Variants in SCN3A observed in about 807,000 individuals in gnomAD.
SCN3A encodes the protein sodium voltage-gated channel alpha subunit 3.
Under a neutral mutation model 187.6 loss-of-function variants are expected in SCN3A, and 60 were observed. The observed-to-expected ratio is 0.32, with a 90% CI of 0.26 to 0.40. SCN3A has a LOEUF of 0.40. Among genes scored for constraint, SCN3A ranks in the 10% least tolerant of loss-of-function variants. The pLI is 1.00. For missense variants in SCN3A, 1,601 were observed against 2,428.2 expected (o/e 0.66, Z 7.16); for synonymous variants, 788 against 829.2 (o/e 0.95, Z 0.85).
chr2:165,096,242 A>G (rs569688120), intron 24 of SCN3A, among the ~76,000 whole-genome samples: 1 of 152,224 alleles, frequency 6.6e-6, no homozygotes, highest in South Asian at 2.1e-4. Context: ...GGACCAATCT[A>G]ATGTCTTAGG....
chr2:165,162,559 C>T lies in SCN3A; in HGVS notation c.964G>A (p.Asp322Asn). ...AACATAATGTAATACTTCTTACTGT[C>T]ATCTCCAATGTAATCCTTCCAGTTA... Reference protein sequence around the residue: ...TFNWKDYIGDDSHFYVLDGQK... With the variant: ...TFNWKDYIGDNSHFYVLDGQK... The change falls in exon 8 of 28, where the codon GAC (aspartate) becomes AAC (asparagine). Residue 322 changes from aspartate (D) to asparagine (N), a missense_variant. Asp to Asn is a conservative substitution (Grantham distance 23). Coordinates refer to ENST00000283254, the MANE Select transcript of SCN3A (RefSeq NM_006922.4). The T allele has an allele frequency of 1.2e-6, 2 of 1,614,034 alleles. No individual in the cohort carries two copies. Among genetic ancestry groups the T allele is most frequent in the Non-Finnish European group, 1.7e-6 (2 of 1,179,960 alleles).
intron 1 of SCN3A, among the ~76,000 whole-genome samples, chr2:165,203,543 A>G (rs1027284374): frequency 2.6e-5 from 4 of 152,006 alleles, no homozygotes; most frequent in African/African-American, 4.8e-5. Context: ...AATAAAAAAT[A>G]TTTTTTCTGA....
At chr2:165,106,230 A>G (rs910739957) in intron 21 of SCN3A, among the ~76,000 whole-genome samples, 12 of 152,212 alleles carry the variant, frequency 7.9e-5, no homozygotes, top group Non-Finnish European at 1.5e-4. Context: ...AGGGGTCTTT[A>G]AAATGAAGAC....
intron 1 of SCN3A, among the ~76,000 whole-genome samples, chr2:165,193,952 C>A (rs919811223): frequency 6.6e-6 from 1 of 152,050 alleles, no homozygotes; most frequent in South Asian, 2.1e-4. Flanking sequence ...CAGCAAAAAA[C>A]CAATCACATA....
chr2:165,200,665 T>C (rs1329396042), intron 1 of SCN3A, among the ~76,000 whole-genome samples: 1 of 152,038 alleles, frequency 6.6e-6, no homozygotes, highest in African/African-American at 2.4e-5. Flanking sequence ...TTAAGTCATC[T>C]TGGCTGCCAT....
At chr2:165,150,927 A>G (rs1274745032) in intron 11 of SCN3A, among the ~76,000 whole-genome samples, 6 of 152,180 alleles carry the variant, frequency 3.9e-5, no homozygotes, top group African/African-American at 1.4e-4. Context: ...GTAAATAGCT[A>G]TTTTTATTTT....
intron 15 of SCN3A, among the ~76,000 whole-genome samples, chr2:165,137,221 C>T (rs1687718918): frequency 6.6e-6 from 1 of 152,104 alleles, no homozygotes; most frequent in South Asian, 2.1e-4. Flanking sequence ...TACCTTTTCC[C>T]TCCATTCCAG....
At position 165,186,608 on chromosome 2, in the gene SCN3A, C is replaced by T. The variant is rs1691258700; in HGVS notation, c.-108G>A. 6.6e-6 allele frequency: 1 copy of T among 152,106 alleles called. No homozygotes were observed. Among genetic ancestry groups the T allele is most frequent in the Non-Finnish European group, 1.5e-5 (1 of 68,018 alleles). The allele number at this position is 152,106 out of a possible 1,614,324, so 9.4% of individuals were successfully genotyped here. A position where few individuals can be genotyped will look rare whatever the true frequency, so the allele number is the denominator to read the frequency against. ...GCTCCAGGTCCCTTCTGTGAATTATCTCATTTATTCTTACAATATCCCTAG... is the reference window on the plus strand; with the variant it reads ...GCTCCAGGTCCCTTCTGTGAATTATTTCATTTATTCTTACAATATCCCTAG... On this transcript the variant is annotated 5_prime_UTR_variant, in exon 2 of 28. Transcript: ENST00000283254.
At chr2:165,122,375 G>GA (rs1279513844) in intron 18 of SCN3A, among the ~76,000 whole-genome samples, 2 of 150,512 alleles carry the variant, frequency 1.3e-5, no homozygotes, top group South Asian at 2.1e-4. Flanking sequence ...AGTACTATCA[G>GA]AAAAAAACCC....
chr2:165,135,273 C>T (rs1687597103), intron 15 of SCN3A, among the ~76,000 whole-genome samples: 1 of 152,008 alleles, frequency 6.6e-6, no homozygotes, highest in Admixed American at 6.6e-5. Context: ...CTTAGCAAAA[C>T]TTAATTGAGA....
At chr2:165,130,406 A>G in intron 16 of SCN3A, 110 bp from the exon 17 acceptor site, 1 of 1,099,784 alleles carries the variant, frequency 9.1e-7, no homozygotes, top group East Asian at 2.6e-5. Context: ...TAAAAACTCA[A>G]AATATACTGA....
intron 18 of SCN3A, 43 bp from the exon 19 acceptor site, chr2:165,115,618 T>C: frequency 1.3e-6 from 2 of 1,598,706 alleles, no homozygotes; most frequent in Non-Finnish European, 1.7e-6. Flanking sequence ...TTTCCCCCTT[T>C]TATTTAACTA....
rs760621325 is a variant in SCN3A, at chr2:165,155,883, A to T, written c.1052T>A (p.Ile351Asn). 1 of 1,614,050 alleles carries T rather than the reference A, an allele frequency of 6.2e-7. No homozygotes were observed. ...SDAGQCPEGY[I>N]CVKAGRNPNY... ...GGGGTTTCGACCAGCCTTCACACAG[A>T]TGTATCCTTCTGGACACTGGCTATA... The change falls in exon 10 of 28, where the codon ATC (isoleucine) becomes AAC (asparagine). Residue 351 changes from isoleucine (I) to asparagine (N), a missense_variant. This residue lies in a region of SCN3A where 47 missense variants were observed against 105.8 expected (regional missense o/e 0.44). Transcript: ENST00000283254.
In SCN3A at chr2:165,140,627, A is replaced by G; in HGVS notation, c.2019+24T>C. 6.3e-7 allele frequency: 1 copy of G among 1,588,906 alleles called. No homozygotes were observed. The highest frequency in any genetic ancestry group is 1.3e-5 in the African/African-American group (1 of 74,520). On this transcript the variant is annotated intron_variant, in intron 13 of 27. Transcript: ENST00000283254. This position sits in a 1 kb window ranked among gnomAD's most constrained non-coding sequence, Gnocchi z 4.2. ...TTTCAAATTGGTGAATAATGTCAGT[A>G]GCAGCTAGGTCATCTATTATCACCT...
intron 15 of SCN3A, among the ~76,000 whole-genome samples, chr2:165,134,281 T>G (rs1367590477): frequency 6.6e-6 from 1 of 152,222 alleles, no homozygotes; most frequent in Non-Finnish European, 1.5e-5. Flanking sequence ...ATTATGAAAT[T>G]ACTCTTGCAG....
chr2:165,159,330 A>G (rs1689227168), intron 9 of SCN3A, among the ~76,000 whole-genome samples: 1 of 136,810 alleles, frequency 7.3e-6, no homozygotes, highest in Non-Finnish European at 1.5e-5. Context: ...TTCTTTAGAT[A>G]TTCTGGACAC....
At chr2:165,091,628 C>A (rs1307402612) in intron 27 of SCN3A, among the ~76,000 whole-genome samples, 1 of 152,122 alleles carries the variant, frequency 6.6e-6, no homozygotes, top group African/African-American at 2.4e-5. Flanking sequence ...ATTGTTATCC[C>A]TACACATGAA....
intron 1 of SCN3A, among the ~76,000 whole-genome samples, chr2:165,187,359 A>T (rs1214874431): frequency 1.3e-5 from 2 of 152,226 alleles, no homozygotes; most frequent in Non-Finnish European, 2.9e-5. Context: ...TTTCCGCTAT[A>T]ACCAACAGCA....
At chr2:165,125,389 C>T (rs746267633) in intron 18 of SCN3A, among the ~76,000 whole-genome samples, 4 of 152,048 alleles carry the variant, frequency 2.6e-5, no homozygotes, top group Admixed American at 1.3e-4. Context: ...CTGCAAGCTC[C>T]GCCTACCGGG....
Sources: allele counts gnomAD v4.1 joint callset (sites outside exome capture counted in the v4.1 genomes callset), GRCh38; gene constraint gnomAD v4.1.1; regional missense constraint gnomAD v4.1.1; non-coding constraint Gnocchi (gnomAD v3.1); transcripts MANE v1.5; gene names NCBI Gene and HGNC (gene_info 2026-07-23, HGNC 2026-07-21).